SLC35F4: variants seen among roughly 807,000 people sequenced by gnomAD.
The protein encoded by SLC35F4 is chromosome 14 open reading frame 36.
SLC35F4 carries 24 observed loss-of-function variants against 44.2 expected under a neutral mutation model. The observed-to-expected ratio is 0.54, with a 90% CI of 0.39 to 0.76. The LOEUF (loss-of-function observed/expected upper bound fraction) is 0.76. SLC35F4 is among the 30% of genes least tolerant of loss of function. SLC35F4 has a pLI of 0.00. For missense variants in SLC35F4, 562 were observed against 586.1 expected (o/e 0.96, Z 0.42); for synonymous variants, 238 against 223.6 (o/e 1.06, Z -0.57).
intron 3 of SLC35F4, among the ~76,000 whole-genome samples, chr14:57,582,891 C>T (rs1472810608): frequency 6.6e-6 from 1 of 152,158 alleles, no homozygotes; most frequent in Non-Finnish European, 1.5e-5. Context: ...GAATTAGGCA[C>T]AGGGAGTATA....
intron 1 of SLC35F4, among the ~76,000 whole-genome samples, chr14:57,621,274 A>G (rs1302339124): frequency 1.3e-5 from 2 of 149,166 alleles, no homozygotes; most frequent in East Asian, 3.9e-4. Context: ...TGCCATCCCC[A>G]TCAAGCTACC....
At chr14:57,934,494 A>G (rs1393002289) in intron 1 of SLC35F4, among the ~76,000 whole-genome samples, 1 of 151,882 alleles carries the variant, frequency 6.6e-6, no homozygotes, top group Non-Finnish European at 1.5e-5. Flanking sequence ...CCTGTAGTTC[A>G]TTGTCTCTGC....
At chr14:57,619,724 G>A (rs2072069033) in intron 1 of SLC35F4, among the ~76,000 whole-genome samples, 3 of 152,094 alleles carry the variant, frequency 2.0e-5, no homozygotes, top group African/African-American at 7.2e-5. Flanking sequence ...TTCAGAAGGT[G>A]GGTAATAACA....
intron 1 of SLC35F4, among the ~76,000 whole-genome samples, chr14:57,689,727 G>A (rs563222591): frequency 4.3e-5 from 6 of 139,148 alleles, no homozygotes; most frequent in Admixed American, 2.9e-4. Context: ...TCACACACCG[G>A]GGCCTGTTGT....
intron 1 of SLC35F4, among the ~76,000 whole-genome samples, chr14:57,948,711 C>T (rs185817161): frequency 8.6e-5 from 13 of 152,038 alleles, no homozygotes; most frequent in East Asian, 3.9e-4. Flanking sequence ...TTGCTGTATC[C>T]GAGAGGTTTT....
At chr14:57,977,284 G>C (rs1881246256) in intron 1 of SLC35F4, among the ~76,000 whole-genome samples, 1 of 152,158 alleles carries the variant, frequency 6.6e-6, no homozygotes. Context: ...AGCAGATGAA[G>C]TGTGGTGCAG....
chr14:57,829,111 G>A lies in SLC35F4; in HGVS notation c.103+36612C>T, dbSNP rs17093714. On this transcript the variant is annotated intron_variant, in intron 1 of 7. Transcript: ENST00000556826. ...ATTGAATCAGGGATGTTCACACAAA[G>A]GTTCTGACATCCAAGCACCAAATGA... 0.014 allele frequency among the ~76,000 whole-genome samples: 2,184 copies of A among 152,262 alleles called. 283 individuals are homozygous for A. In the East Asian group the frequency reaches 0.33, roughly 23 times the overall value.
chr14:57,709,451 T>C (rs1186647702), intron 1 of SLC35F4, among the ~76,000 whole-genome samples: 1 of 152,132 alleles, frequency 6.6e-6, no homozygotes, highest in Admixed American at 6.5e-5. Flanking sequence ...AATATTGGAA[T>C]AAAGAGTAAT....
At chr14:57,813,757 A>C (rs991956434) in intron 1 of SLC35F4, among the ~76,000 whole-genome samples, 1 of 152,274 alleles carries the variant, frequency 6.6e-6, no homozygotes, top group African/African-American at 2.4e-5. Context: ...GACAGTCCAG[A>C]ACAATGGGCA....
At chr14:57,909,267 A>G (rs772093385) in intron 1 of SLC35F4, among the ~76,000 whole-genome samples, 7 of 152,166 alleles carry the variant, frequency 4.6e-5, no homozygotes, top group Non-Finnish European at 1.0e-4. Flanking sequence ...ATAATCAATG[A>G]ACCTATGTTG....
intron 1 of SLC35F4, among the ~76,000 whole-genome samples, chr14:57,822,207 G>A (rs1001857923): frequency 2.6e-5 from 4 of 152,192 alleles, no homozygotes; most frequent in African/African-American, 9.6e-5. Flanking sequence ...TGTCTGATTT[G>A]TGTAGTTACC....
intron 4 of SLC35F4, chr14:57,580,537 A>C (rs1454261637): frequency 5.1e-6 from 2 of 394,818 alleles, no homozygotes; most frequent in Admixed American, 6.8e-5. Context: ...GCTTCCCAGC[A>C]ATCTATTTTT....
At chr14:57,783,546 A>G (rs1301654872) in intron 1 of SLC35F4, among the ~76,000 whole-genome samples, 1 of 152,184 alleles carries the variant, frequency 6.6e-6, no homozygotes, top group Non-Finnish European at 1.5e-5. Flanking sequence ...TAAAGTTGCT[A>G]ACTCCAGAAG....
At chr14:57,581,478 AC>A in intron 3 of SLC35F4, 45 bp from the exon 4 acceptor site, 1 of 1,523,870 alleles carries the variant, frequency 6.6e-7, no homozygotes, top group Non-Finnish European at 8.9e-7. Context: ...TGATGGTGAC[AC>A]CTCTTGTCTT....
chr14:57,789,252 G>A (rs1360495376), intron 1 of SLC35F4, among the ~76,000 whole-genome samples: 4 of 152,002 alleles, frequency 2.6e-5, no homozygotes, highest in African/African-American at 9.7e-5. Context: ...CCACTAGCCA[G>A]CCTAATAAAG....
intron 1 of SLC35F4, among the ~76,000 whole-genome samples, chr14:57,936,378 A>G (rs1178149799): frequency 6.6e-6 from 1 of 152,200 alleles, no homozygotes; most frequent in Non-Finnish European, 1.5e-5. Context: ...GGTAGGAGCC[A>G]TTCTGTGACT....
rs778867227 is a variant in SLC35F4, at chr14:57,569,936, A to G, written c.978T>C (p.Ala326=). 1 of 1,611,972 alleles carries G rather than the reference A, an allele frequency of 6.2e-7. No homozygotes were observed. The highest frequency in any genetic ancestry group is 1.1e-5 in the South Asian group (1 of 90,386). ...MFLGSANFGE[A]AHFVSTLGFF... The stretch of plus-strand genomic sequence containing the variant: ...AACCCAAGGTGGAGACAAAGTGTGC[A>G]GCTTCCCCAAAGTTGGCACTTCCAA... The change falls in exon 6 of 8, where the codon GCT becomes GCC. Residue 326 remains alanine (A), a synonymous_variant. Coordinates refer to ENST00000556826, the MANE Select transcript of SLC35F4 (RefSeq NM_001306087.2).
chr14:57,718,980 T>G (rs1302781542), intron 1 of SLC35F4, among the ~76,000 whole-genome samples: 1 of 152,182 alleles, frequency 6.6e-6, no homozygotes, highest in African/African-American at 2.4e-5. Flanking sequence ...GACTTAGATT[T>G]AAGTCTATAA....
chr14:57,831,692 T>C (rs1884388647), intron 1 of SLC35F4, among the ~76,000 whole-genome samples: 2 of 152,148 alleles, frequency 1.3e-5, no homozygotes, highest in African/African-American at 4.8e-5. Flanking sequence ...ATTTAAAGAG[T>C]GAAAACCTTG....
Sources: gnomAD v4.1 joint callset for allele counts (sites outside exome capture counted in the v4.1 genomes callset) on GRCh38, gnomAD v4.1.1 for gene constraint, MANE v1.5 for transcripts, NCBI Gene and HGNC (gene_info 2026-07-23, HGNC 2026-07-21) for gene names.